GDAP1: variants seen among roughly 807,000 people sequenced by gnomAD.
GDAP1 encodes the protein ganglioside-induced differentiation-associated protein 1.
In GDAP1, 34 loss-of-function variants were observed where a neutral mutation model predicts 40.1. The observed-to-expected ratio is 0.85, with a 90% CI of 0.64 to 1.13. The LOEUF is 1.13. Ranked by LOEUF, GDAP1 falls within the 50% of genes most tolerant of loss-of-function variation. GDAP1 has a pLI of 0.00. For missense variants in GDAP1, 374 were observed against 433.7 expected (o/e 0.86, Z 1.22); for synonymous variants, 170 against 157.4 (o/e 1.08, Z -0.60).
At chr8:74,371,410 C>T (rs1467448502), downstream of GDAP1, among the ~76,000 whole-genome samples, 2 of 152,124 alleles carry the variant, frequency 1.3e-5, no homozygotes, top group African/African-American at 2.4e-5. Context: ...CCTGTAATCC[C>T]AGCACTTTGG....
chr8:74,406,399 A>T (rs928704278), intron 2 of GDAP1, among the ~76,000 whole-genome samples: 10 of 150,430 alleles, frequency 6.6e-5, no homozygotes, highest in African/African-American at 2.5e-4. Flanking sequence ...CTTTGGACTG[A>T]GCCCTATAAA....
intron 2 of GDAP1, among the ~76,000 whole-genome samples, chr8:74,381,022 G>A (rs1429158023): frequency 2.6e-5 from 4 of 152,040 alleles, no homozygotes; most frequent in Non-Finnish European, 5.9e-5. Flanking sequence ...ATTGGAGTAG[G>A]TGAGGGAGAA....
intron 2 of GDAP1, among the ~76,000 whole-genome samples, chr8:74,471,170 G>T (rs1284023282): frequency 1.3e-5 from 2 of 151,878 alleles, no homozygotes; most frequent in East Asian, 3.9e-4. Flanking sequence ...TGAGTAGATT[G>T]CAAAAATTTT....
chr8:74,404,864 A>T (rs1376248682), intron 2 of GDAP1, among the ~76,000 whole-genome samples: 2 of 149,990 alleles, frequency 1.3e-5, no homozygotes, highest in Non-Finnish European at 2.9e-5. Flanking sequence ...TCAACCGCTG[A>T]TACCATAATT....
At chr8:74,362,460 T>G (rs986862598) in intron 4 of GDAP1, among the ~76,000 whole-genome samples, 9 of 152,042 alleles carry the variant, frequency 5.9e-5, no homozygotes, top group African/African-American at 2.2e-4. Flanking sequence ...CTCCCCAACT[T>G]CCCACCTTCC....
rs71271804 is a variant in GDAP1 at position 74,468,478 on chromosome 8, T to TACACAC, written c.166-20158_166-20153dup. Among the ~76,000 whole-genome samples, 734 of 139,188 alleles carry TACACAC rather than the reference T, an allele frequency of 5.3e-3. 4 individuals are homozygous for TACACAC. The highest frequency in any genetic ancestry group is 0.015 in the African/African-American group (557 of 36,906). The allele number at this position is 139,188 out of a possible 152,430, so 91.3% of individuals were successfully genotyped here. On this transcript the variant is annotated intron_variant, in intron 2 of 2. Transcript: ENST00000523640. ...TTACATATATATGTAAATGACCCCA[T>TACACAC]ACACACACACACACACACACACACA...
intron 2 of GDAP1, among the ~76,000 whole-genome samples, chr8:74,471,729 GT>G (rs1371119316): frequency 6.6e-6 from 1 of 152,044 alleles, no homozygotes; most frequent in East Asian, 1.9e-4. Flanking sequence ...CTGTCGGTCA[GT>G]TTACACTTTC....
chr8:74,363,613 C>T (rs1025803734), intron 5 of GDAP1, among the ~76,000 whole-genome samples: 1 of 152,174 alleles, frequency 6.6e-6, no homozygotes, highest in African/African-American at 2.4e-5. Flanking sequence ...TCAGACTCAG[C>T]TTTATGGATT....
Position 74,445,077 on chromosome 8 carries a change from G to A in GDAP1, c.166-43601G>A, listed in dbSNP as rs142404700. On this transcript the variant is annotated intron_variant, in intron 2 of 2. Coordinates refer to the GDAP1 transcript ENST00000523640. ...ATATTTTGAGGGTGTCAAGTTCAAC[G>A]TCCTAGTCGACAAGCAAGTCTTTTC... is the stretch of plus-strand genomic sequence containing the variant. Among the ~76,000 whole-genome samples, 50 of 152,278 alleles carry A rather than the reference G, an allele frequency of 3.3e-4. No homozygotes were observed. The East Asian group carries it at 8.5e-3, about 26-fold the overall frequency.
At chr8:74,438,720 C>T (rs897392928) in intron 2 of GDAP1, among the ~76,000 whole-genome samples, 10 of 152,138 alleles carry the variant, frequency 6.6e-5, no homozygotes, top group African/African-American at 2.2e-4. Context: ...TCCACCTCAG[C>T]CTCCCAAGTG....
intron 2 of GDAP1, among the ~76,000 whole-genome samples, chr8:74,354,740 A>C (rs1191372727): frequency 6.6e-6 from 1 of 152,224 alleles, no homozygotes; most frequent in Non-Finnish European, 1.5e-5. Flanking sequence ...AATTTTGTTG[A>C]GAACAGGGTG....
chr8:74,383,741 CT>C (rs1809987446), intron 2 of GDAP1, among the ~76,000 whole-genome samples: 1 of 152,126 alleles, frequency 6.6e-6, no homozygotes, highest in Admixed American at 6.5e-5. Flanking sequence ...AGTTATTTTT[CT>C]CTTAGTTTGC....
intron 2 of GDAP1, among the ~76,000 whole-genome samples, chr8:74,411,954 G>T (rs1805714796): frequency 6.7e-6 from 1 of 149,788 alleles, no homozygotes; most frequent in Non-Finnish European, 1.5e-5. Flanking sequence ...GAGAATTCCT[G>T]GGAATACCAC....
In GDAP1 at chr8:74,365,051, C is replaced by A. The variant is rs1809556573; in HGVS notation, c.*684C>A. ...TAGATGGTGCCTGTGAGATACCATT[C>A]CTCTGGATGGTCATGTCCAGTCAGT... is the stretch of plus-strand genomic sequence containing the variant. On this transcript the variant is annotated 3_prime_UTR_variant, in exon 6 of 6. Transcript: ENST00000220822. 8.8e-6 allele frequency: 4 copies of A among 453,908 alleles called. No homozygotes were observed. The highest frequency in any genetic ancestry group is 1.8e-5 in the Non-Finnish European group (4 of 226,766). 28.1% of individuals were successfully genotyped at this position (453,908 alleles called of 1,614,324 possible). A position where few individuals can be genotyped will look rare whatever the true frequency, so the allele number is the denominator to read the frequency against.
Position 74,360,459 on chromosome 8 carries a change from A to G in GDAP1, c.484+149A>G, listed in dbSNP as rs141712221. ...GGATGTGCATGTTATGGATCGATCCATGAACCAGTCGGATTAATCTGTGCT... is the reference window on the plus strand; with the variant it reads ...GGATGTGCATGTTATGGATCGATCCGTGAACCAGTCGGATTAATCTGTGCT... On this transcript the variant is annotated intron_variant, in intron 3 of 5. Coordinates refer to ENST00000220822, the MANE Select transcript of GDAP1 (RefSeq NM_018972.4). 17 of 741,630 alleles carry G rather than the reference A, an allele frequency of 2.3e-5. No individual in the cohort carries two copies. In the African/African-American group the frequency reaches 2.4e-4, roughly 10 times the overall value. 45.9% of individuals were successfully genotyped at this position (741,630 alleles called of 1,614,324 possible). A position where few individuals can be genotyped will look rare whatever the true frequency, so the allele number is the denominator to read the frequency against.
intron 2 of GDAP1, among the ~76,000 whole-genome samples, chr8:74,458,698 A>G (rs1277653085): frequency 3.3e-5 from 5 of 152,182 alleles, no homozygotes; most frequent in Non-Finnish European, 5.9e-5. Flanking sequence ...AAATAGTGTC[A>G]CCTCAAAATT....
intron 2 of GDAP1, among the ~76,000 whole-genome samples, chr8:74,416,848 A>T (rs373811742): frequency 6.7e-6 from 1 of 149,888 alleles, no homozygotes; most frequent in Non-Finnish European, 1.5e-5. Flanking sequence ...ACCCTGTGGA[A>T]CAAAAGAATT....
rs1809560545 is a variant in GDAP1, at chr8:74,365,127, A to T, written c.*760A>T. On this transcript the variant is annotated 3_prime_UTR_variant, in exon 6 of 6. Coordinates refer to ENST00000220822, the MANE Select transcript of GDAP1 (RefSeq NM_018972.4). ...AGCCCTCTTCATACACATAAGTGGC[A>T]TTTAGGTGAATGTCCCAGCTAATCA... The T allele has an allele frequency of 2.2e-6, 1 of 453,950 alleles. No homozygotes were observed. The allele number at this position is 453,950 out of a possible 1,614,324, so 28.1% of individuals were successfully genotyped here.
intron 5 of GDAP1, 61 bp from the exon 6 acceptor site, chr8:74,363,924 C>T: frequency 3.5e-6 from 5 of 1,433,880 alleles, no homozygotes; most frequent in Non-Finnish European, 4.9e-6. Context: ...CCACTGATAC[C>T]AGCTGGAGTC....
Sources: allele counts gnomAD v4.1 joint callset (sites outside exome capture counted in the v4.1 genomes callset), GRCh38; gene constraint gnomAD v4.1.1; transcripts MANE v1.5; gene names NCBI Gene and HGNC (gene_info 2026-07-23, HGNC 2026-07-21).